Variants in PPFIA1 observed in about 807,000 individuals in gnomAD.
PPFIA1 encodes the protein PPFI scaffold protein A1.
In PPFIA1, 25 loss-of-function variants were observed where a neutral mutation model predicts 149.9. That is an observed-to-expected ratio of 0.17 (90% CI 0.12 to 0.23). The LOEUF is 0.23. PPFIA1 is among the 10% of genes least tolerant of loss of function. The pLI is 1.00. For synonymous variants in PPFIA1, 549 were observed against 552.8 expected (o/e 0.99, Z 0.10); for missense variants, 1,362 against 1,506.5 (o/e 0.90, Z 1.59).
intron 2 of PPFIA1, among the ~76,000 whole-genome samples, chr11:70,316,906 A>G (rs192097490): frequency 6.6e-6 from 1 of 152,364 alleles, no homozygotes; most frequent in East Asian, 1.9e-4. Flanking sequence ...AGTGATAAAC[A>G]TCAGCATTAT....
chr11:70,372,812 C>T (rs2057328508), intron 23 of PPFIA1, among the ~76,000 whole-genome samples: 1 of 152,216 alleles, frequency 6.6e-6, no homozygotes, highest in South Asian at 2.1e-4. Context: ...TTAAATGTCT[C>T]CGGCTAGTCG....
intron 26 of PPFIA1, chr11:70,378,583 AC>A: frequency 2.3e-6 from 1 of 433,048 alleles, no homozygotes; most frequent in Non-Finnish European, 3.1e-6. Flanking sequence ...TGCTCTCCAC[AC>A]CAGAGAAAAT....
chr11:70,353,794 A>T (rs567105513), intron 16 of PPFIA1, among the ~76,000 whole-genome samples: 6 of 152,186 alleles, frequency 3.9e-5, no homozygotes, highest in African/African-American at 1.2e-4. Context: ...GTTTATTTTT[A>T]CCCCGTTCAG....
intron 2 of PPFIA1, among the ~76,000 whole-genome samples, chr11:70,298,644 G>A (rs1328246995): frequency 6.6e-6 from 1 of 152,162 alleles, no homozygotes; most frequent in Non-Finnish European, 1.5e-5. Context: ...CTGTCCCACG[G>A]TGCTGGCCTG....
In PPFIA1 at chr11:70,272,328, T is replaced by C. The variant is rs1021941301; in HGVS notation, c.156T>C (p.Asp52=). Residue 52 remains aspartate (D), a synonymous_variant, in exon 2 of 28, where the codon GAT becomes GAC. Transcript: ENST00000253925. ...SMLEERDRLL[D]TLRETQETLA... ...TAGAAGAAAGGGACCGCCTTCTTGA[T>C]ACACTGAGAGAGACTCAAGAAACGC... 7 of 1,614,046 alleles carry C rather than the reference T, an allele frequency of 4.3e-6. No individual in the cohort carries two copies. The African/African-American group carries it at 9.3e-5, about 22-fold the overall frequency.
chr11:70,325,461 T>TAC (rs113854811), intron 4 of PPFIA1, 39 bp from the exon 5 acceptor site: 34,507 of 1,343,312 alleles, frequency 0.026, 307 homozygotes, highest in Non-Finnish European at 0.03. Context: ...ATAAACAGTA[T>TAC]ACACACACAC....
chr11:70,349,264 C>T (rs1289694542), intron 16 of PPFIA1, among the ~76,000 whole-genome samples: 1 of 152,096 alleles, frequency 6.6e-6, no homozygotes, highest in Non-Finnish European at 1.5e-5. Context: ...TTAGGGTCAC[C>T]TCTCACCTGG....
At chr11:70,358,218 T>A (rs1486078246) in intron 19 of PPFIA1, 2 of 152,182 alleles carry the variant, frequency 1.3e-5, no homozygotes, top group Non-Finnish European at 2.9e-5. Flanking sequence ...AAAAGTGCTT[T>A]ATTTATTGAT....
rs1276783101 is a variant in PPFIA1 at position 70,339,227 on chromosome 11, C to G, written c.1628C>G (p.Thr543Arg). 1.2e-6 allele frequency: 2 copies of G among 1,614,230 alleles called. No individual in the cohort carries two copies. The highest frequency in any genetic ancestry group is 1.7e-6 in the Non-Finnish European group (2 of 1,180,040). Residue 543 changes from threonine (T) to arginine (R), a missense_variant, in exon 14 of 28, where the codon ACA (threonine) becomes AGA (arginine). Coordinates refer to ENST00000253925, the MANE Select transcript of PPFIA1 (RefSeq NM_003626.5). The part of the protein sequence containing the change: ...DFRFPMADGH[T>R]DSYSTSAVLR... Reference sequence around the variant, plus strand: ...AGGTTCCCCATGGCAGACGGCCACACAGACTCCTACAGCACCAGTGCAGTG... The same window carrying G: ...AGGTTCCCCATGGCAGACGGCCACAGAGACTCCTACAGCACCAGTGCAGTG...
At chr11:70,286,783 G>T (rs117355482) in intron 2 of PPFIA1, among the ~76,000 whole-genome samples, 1,631 of 144,774 alleles carry the variant, frequency 0.011, 17 homozygotes, top group Non-Finnish European at 0.017. Context: ...TTTGAGACAG[G>T]GTCTCACTTT....
chr11:70,334,355 A>C (rs969563922), intron 10 of PPFIA1: 1 of 152,130 alleles, frequency 6.6e-6, no homozygotes, highest in Non-Finnish European at 1.5e-5. Context: ...TGTTTTCACC[A>C]GAAATCTGTA....
intron 2 of PPFIA1, among the ~76,000 whole-genome samples, chr11:70,313,449 G>T (rs2053414156): frequency 6.6e-6 from 1 of 152,144 alleles, no homozygotes; most frequent in Non-Finnish European, 1.5e-5. Context: ...ATCCGAGCGG[G>T]GAAAGATTGA....
intron 2 of PPFIA1, among the ~76,000 whole-genome samples, chr11:70,299,234 G>A (rs1261792641): frequency 1.3e-5 from 2 of 151,654 alleles, no homozygotes; most frequent in East Asian, 1.9e-4. Context: ...GTGAGTCTCC[G>A]TCTCAAAAGA....
At chr11:70,348,443 C>A in intron 16 of PPFIA1, 23 bp downstream of exon 16, 1 of 1,543,412 alleles carries the variant, frequency 6.5e-7, no homozygotes, top group Non-Finnish European at 9.0e-7. Context: ...CCTTTCCCTG[C>A]TGTGGCTGCC....
chr11:70,310,532 C>T (rs1182778265), intron 2 of PPFIA1, among the ~76,000 whole-genome samples: 2 of 151,830 alleles, frequency 1.3e-5, no homozygotes, highest in East Asian at 3.9e-4. Flanking sequence ...ACTACAGGTG[C>T]GCGCCACCAC....
At chr11:70,365,814 C>CTTT (rs1300682009) in intron 21 of PPFIA1, 2 of 397,198 alleles carry the variant, frequency 5.0e-6, no homozygotes, top group East Asian at 1.4e-4. Flanking sequence ...TTGCATGATG[C>CTTT]TTTGATAGTC....
chr11:70,373,169 T>TC (rs2057345523), intron 23 of PPFIA1, among the ~76,000 whole-genome samples: 1 of 152,224 alleles, frequency 6.6e-6, no homozygotes, highest in South Asian at 2.1e-4. Context: ...GGTTCTCTTC[T>TC]CCGTTGGGGA....
At chr11:70,380,379 A>G (rs532629555) in intron 26 of PPFIA1, among the ~76,000 whole-genome samples, 1 of 151,974 alleles carries the variant, frequency 6.6e-6, no homozygotes, top group South Asian at 2.1e-4. Flanking sequence ...CATCCTGGCT[A>G]ACACGGTGAA....
chr11:70,373,397 T>TG (rs1006965443), intron 23 of PPFIA1: 1 of 148,866 alleles, frequency 6.7e-6, no homozygotes, highest in African/African-American at 2.5e-5. Context: ...TGCCTGGAAT[T>TG]TTTTTTTTTT....
Sources: allele counts gnomAD v4.1 joint callset (sites outside exome capture counted in the v4.1 genomes callset), GRCh38; gene constraint gnomAD v4.1.1; transcripts MANE v1.5; gene names NCBI Gene and HGNC (gene_info 2026-07-23, HGNC 2026-07-21).